The following C20orf203 variants were observed in gnomAD, a reference collection of about 807,000 sequenced individuals.
C20orf203 encodes chromosome 20 open reading frame 203, also known as uncharacterized protein C20orf203.
In C20orf203, 16 loss-of-function variants were observed where a neutral mutation model predicts 15.9. The observed-to-expected ratio is 1.01, with a 90% CI of 0.68 to 1.53. C20orf203 has a LOEUF of 1.53. Ranked by LOEUF, C20orf203 falls within the 40% of genes most tolerant of loss-of-function variation. The pLI is 0.00. For synonymous variants in C20orf203, 98 were observed against 97.2 expected (o/e 1.01, Z -0.05); for missense variants, 263 against 247.5 (o/e 1.06, Z -0.42).
chr20:32,647,622 T>C (rs976971941), intron 4 of C20orf203, among the ~76,000 whole-genome samples: 2 of 152,148 alleles, frequency 1.3e-5, no homozygotes, highest in East Asian at 3.9e-4. Context: ...AGAGGATTGC[T>C]TGAGCCCAGG....
intron 1 of C20orf203, among the ~76,000 whole-genome samples, chr20:32,668,213 T>C (rs902093852): frequency 6.6e-6 from 1 of 152,166 alleles, no homozygotes; most frequent in Non-Finnish European, 1.5e-5. Flanking sequence ...CTGTTATCTA[T>C]TATTGTTGAT....
chr20:32,641,093 C>T (rs1301571878), intron 4 of C20orf203, among the ~76,000 whole-genome samples: 3 of 151,866 alleles, frequency 2.0e-5, no homozygotes, highest in Non-Finnish European at 4.4e-5. Context: ...CCGAGGTGGT[C>T]GGATTGCTTG....
Position 32,666,940 on chromosome 20 carries a change from C to T in C20orf203, c.-264+6692G>A, listed in dbSNP as rs772649635. 2.0e-3 allele frequency among the ~76,000 whole-genome samples: 294 copies of T among 150,046 alleles called. 1 individual carries two copies. Among genetic ancestry groups the T allele is most frequent in the Non-Finnish European group, 3.7e-3 (253 of 67,548 alleles). On this transcript the variant is annotated intron_variant, in intron 1 of 5. Coordinates refer to ENST00000608990, the MANE Select transcript of C20orf203 (RefSeq NM_182584.4). ...CTGGGATTACAGGCATGAGCCACCA[C>T]GTACAATTTGATATATTTTATATAA...
Position 32,659,167 on chromosome 20 carries a change from G to A in C20orf203, c.-263-7186C>T, listed in dbSNP as rs142476029. Among the ~76,000 whole-genome samples, 450 of 152,176 alleles carry A rather than the reference G, an allele frequency of 3.0e-3. 1 individual carries two copies. The highest frequency in any genetic ancestry group is 0.01 in the African/African-American group (422 of 41,534). On this transcript the variant is annotated intron_variant, in intron 1 of 5. Transcript: ENST00000608990. ...GCTGGGACTACAGGCATGAGCCACC[G>A]TGCCCGGCCTAAGACCCCTTCTCTT...
In C20orf203 at chr20:32,650,068, A is replaced by G. The variant is rs149790221; in HGVS notation, c.*364T>C. On this transcript the variant is annotated 3_prime_UTR_variant, in exon 4 of 6. Transcript: ENST00000608990. ...CGGATGTGGGGTGGGAGTGACACAC[A>G]GGAGTACTGCAGCCTCCTCCCAGCA... is the stretch of plus-strand genomic sequence containing the variant. 815 of 219,722 alleles carry G rather than the reference A, an allele frequency of 3.7e-3. 3 individuals are homozygous for G. The highest frequency in any genetic ancestry group is 0.017 in the African/African-American group (775 of 44,348). The allele number at this position is 219,722 out of a possible 1,614,324, so 13.6% of individuals were successfully genotyped here. A position where few individuals can be genotyped will look rare whatever the true frequency, so the allele number is the denominator to read the frequency against.
intron 4 of C20orf203, among the ~76,000 whole-genome samples, chr20:32,642,024 A>G (rs1982296438): frequency 6.6e-6 from 1 of 152,044 alleles, no homozygotes. Context: ...TATTTTTTGT[A>G]GAGACGGGTT....
chr20:32,663,687 G>C (rs926178940), intron 1 of C20orf203, among the ~76,000 whole-genome samples: 1 of 152,212 alleles, frequency 6.6e-6, no homozygotes, highest in African/African-American at 2.4e-5. Flanking sequence ...GCTGGGGCTG[G>C]ATGGCAGGGT....
intron 1 of C20orf203, among the ~76,000 whole-genome samples, chr20:32,667,511 T>C (rs1243121080): frequency 1.3e-5 from 2 of 152,196 alleles, no homozygotes; most frequent in African/African-American, 4.8e-5. Flanking sequence ...ATTCCATCCA[T>C]GTAACCCTGT....
intron 1 of C20orf203, among the ~76,000 whole-genome samples, chr20:32,665,193 T>A (rs1341730797): frequency 6.6e-6 from 1 of 152,148 alleles, no homozygotes; most frequent in East Asian, 1.9e-4. Flanking sequence ...TGGGTTCTGC[T>A]CAGAGGATTC....
chr20:32,644,772 T>C (rs1271220466), intron 4 of C20orf203, among the ~76,000 whole-genome samples: 1 of 152,040 alleles, frequency 6.6e-6, no homozygotes, highest in Non-Finnish European at 1.5e-5. Context: ...GTTTGGAAAA[T>C]GAGCTTGATC....
chr20:32,658,033 A>C (rs954334688), intron 1 of C20orf203: 2 of 151,882 alleles, frequency 1.3e-5, no homozygotes, highest in Non-Finnish European at 2.9e-5. Context: ...GGTACTTAAG[A>C]GACTTTAAGA....
intron 5 of C20orf203, among the ~76,000 whole-genome samples, chr20:32,638,666 C>T (rs750894690): frequency 6.6e-5 from 10 of 152,202 alleles, no homozygotes; most frequent in South Asian, 2.1e-4. Flanking sequence ...CAGGAGGGAC[C>T]GGGTCTGACT....
chr20:32,641,283 C>T (rs559799699), intron 4 of C20orf203, among the ~76,000 whole-genome samples: 13 of 143,568 alleles, frequency 9.1e-5, no homozygotes, highest in African/African-American at 1.8e-4. Flanking sequence ...TGCAGTGAGC[C>T]GTGATCACGC....
At chr20:32,663,330 A>C (rs1437581016) in intron 1 of C20orf203, among the ~76,000 whole-genome samples, 2 of 152,178 alleles carry the variant, frequency 1.3e-5, no homozygotes, top group Non-Finnish European at 2.9e-5. Context: ...AATGAGAAAA[A>C]AAAAAAAGAA....
chr20:32,650,219 C>T lies in C20orf203; in HGVS notation c.*213G>A, dbSNP rs1416918068. 3.6e-6 allele frequency: 2 copies of T among 562,448 alleles called. No homozygotes were observed. Among genetic ancestry groups the T allele is most frequent in the Non-Finnish European group, 6.4e-6 (2 of 314,746 alleles). The allele number at this position is 562,448 out of a possible 1,614,324, so 34.8% of individuals were successfully genotyped here. A position where few individuals can be genotyped will look rare whatever the true frequency, so the allele number is the denominator to read the frequency against. On this transcript the variant is annotated 3_prime_UTR_variant, in exon 4 of 6. Transcript: ENST00000608990. ...GGTTCTACCCAGAGCCAGCCTGGCA[C>T]AGCCTCGGTCCCTAATCATGTTTGC...
At position 32,650,570 on chromosome 20, in the gene C20orf203, G is replaced by C. The variant is rs1458989757; in HGVS notation, c.447C>G (p.Gly149=). 1 of 1,548,868 alleles carries C rather than the reference G, an allele frequency of 6.5e-7. No homozygotes were observed. Among genetic ancestry groups the C allele is most frequent in the Non-Finnish European group, 8.7e-7 (1 of 1,145,466 alleles). The change falls in exon 4 of 6, where the codon GGC becomes GGG. Residue 149 remains glycine (G), a synonymous_variant. Transcript: ENST00000608990. ...MPRMGTVGDF[G]QALSSLAWTS... Reference sequence around the variant, plus strand: ...TCCAGGCCAGCGAGGACAGAGCTTGGCCAAAGTCCCCCACCGTGCCCATTC... The same window carrying C: ...TCCAGGCCAGCGAGGACAGAGCTTGCCCAAAGTCCCCCACCGTGCCCATTC...
Position 32,633,805 on chromosome 20 carries a change from C to G in C20orf203, c.*1765G>C, listed in dbSNP as rs1982065923. ...CAGCCCCCTCACCGCGTTGCACTAC[C>G]TGGTCCCCTGGTCCCAGCCTCCTTT... On this transcript the variant is annotated 3_prime_UTR_variant, in exon 6 of 6. Coordinates refer to ENST00000608990, the MANE Select transcript of C20orf203 (RefSeq NM_182584.4). The G allele has an allele frequency of 2.6e-6, 1 of 382,778 alleles. No individual in the cohort carries two copies. 23.7% of individuals were successfully genotyped at this position (382,778 alleles called of 1,614,324 possible).
intron 1 of C20orf203, among the ~76,000 whole-genome samples, 200 bp downstream of exon 1, chr20:32,673,432 A>G (rs1299806069): frequency 2.6e-5 from 4 of 152,092 alleles, no homozygotes; most frequent in Admixed American, 2.6e-4. Flanking sequence ...CGGTCCCCAC[A>G]TTCGGGGAGC....
chr20:32,657,836 C>T (rs1400512213), intron 1 of C20orf203: 8 of 151,294 alleles, frequency 5.3e-5, no homozygotes, highest in Admixed American at 5.3e-4. Context: ...GGTGGGCACC[C>T]CTAATCCCAG....
Sources: gnomAD v4.1 joint callset for allele counts (sites outside exome capture counted in the v4.1 genomes callset) on GRCh38, gnomAD v4.1.1 for gene constraint, MANE v1.5 for transcripts, NCBI Gene and HGNC (gene_info 2026-07-23, HGNC 2026-07-21) for gene names.